MYO1B: variants seen among roughly 807,000 people sequenced by gnomAD.
The protein encoded by MYO1B is myosin IB.
A neutral mutation model predicts 159.7 loss-of-function variants in MYO1B; 72 were observed. The ratio of observed to expected loss-of-function variants is 0.45; its 90% confidence interval spans 0.37 to 0.55. The LOEUF (loss-of-function observed/expected upper bound fraction) is 0.55. Ranked by LOEUF, MYO1B falls within the 20% of genes least tolerant of loss-of-function variation. The probability of loss-of-function intolerance (pLI) is 0.00; values close to 1 mark genes in which losing one functional copy is unlikely to be tolerated. For missense variants in MYO1B, 1,062 were observed against 1,364.8 expected (o/e 0.78, Z 3.50); for synonymous variants, 468 against 473.8 (o/e 0.99, Z 0.16).
intron 1 of MYO1B, among the ~76,000 whole-genome samples, chr2:191,259,780 A>G (rs1057312875): frequency 1.3e-5 from 2 of 152,152 alleles, no homozygotes; most frequent in African/African-American, 4.8e-5. Context: ...GGAGTCTGGG[A>G]TAACTCCCTA....
chr2:191,409,288 A>T, intron 26 of MYO1B, 110 bp downstream of exon 26: 2 of 1,230,104 alleles, frequency 1.6e-6, no homozygotes, highest in East Asian at 2.4e-5. Context: ...CTCAAAGAGG[A>T]TTACTTGAGG....
chr2:191,282,189 T>C (rs941341420), intron 2 of MYO1B, among the ~76,000 whole-genome samples: 1 of 152,242 alleles, frequency 6.6e-6, no homozygotes, highest in Non-Finnish European at 1.5e-5. Flanking sequence ...GTAGTAGTTT[T>C]CTCTTGCTAC....
intron 26 of MYO1B, 45 bp downstream of exon 26, chr2:191,409,223 T>C (rs752770573): frequency 9.5e-6 from 15 of 1,576,080 alleles, no homozygotes; most frequent in Non-Finnish European, 1.3e-5. Flanking sequence ...TTCTTATTTA[T>C]TTTGAGTGTT....
In MYO1B at chr2:191,277,229, T is replaced by C. The variant is rs374948007; in HGVS notation, c.135+199T>C. On this transcript the variant is annotated intron_variant, in intron 2 of 30. Coordinates refer to ENST00000392318, the MANE Select transcript of MYO1B (RefSeq NM_001130158.3). ...GGGTTAGACAAGTCAGTCTGCTTTC[T>C]GTGATCAACTGTGTGCAAGTATTGT... Among the ~76,000 whole-genome samples, 101 of 152,310 alleles carry C rather than the reference T, an allele frequency of 6.6e-4. 3 individuals are homozygous for C. In the South Asian group the frequency reaches 0.02, roughly 30 times the overall value.
chr2:191,412,805 A>G (rs1697327606), intron 27 of MYO1B, among the ~76,000 whole-genome samples: 1 of 151,538 alleles, frequency 6.6e-6, no homozygotes, highest in Non-Finnish European at 1.5e-5. Flanking sequence ...TCTTAGTGAT[A>G]AGTGTACAGT....
At chr2:191,387,580 T>A in intron 17 of MYO1B, 130 bp downstream of exon 17, 1 of 791,786 alleles carries the variant, frequency 1.3e-6, no homozygotes, top group Non-Finnish European at 2.1e-6. Context: ...GATTAAATAA[T>A]ACCTTATCTG....
intron 13 of MYO1B, among the ~76,000 whole-genome samples, chr2:191,380,623 A>G (rs1694982947): frequency 6.6e-6 from 1 of 152,230 alleles, no homozygotes; most frequent in South Asian, 2.1e-4. Flanking sequence ...TTGTTCAGAA[A>G]TGATTTAGGC....
chr2:191,413,035 GATT>G (rs1697344823), intron 27 of MYO1B, among the ~76,000 whole-genome samples: 1 of 152,174 alleles, frequency 6.6e-6, no homozygotes, highest in Admixed American at 6.5e-5. Context: ...CATGTGATGA[GATT>G]ATTATCAAAG....
chr2:191,279,311 G>A (rs1215787500), intron 2 of MYO1B, among the ~76,000 whole-genome samples: 1 of 152,114 alleles, frequency 6.6e-6, no homozygotes, highest in East Asian at 1.9e-4. Flanking sequence ...GTAAAGTAAT[G>A]CGTATAGTAT....
At chr2:191,324,861 T>C (rs1690951824) in intron 3 of MYO1B, among the ~76,000 whole-genome samples, 1 of 152,182 alleles carries the variant, frequency 6.6e-6, no homozygotes, top group Admixed American at 6.6e-5. Context: ...TGGAAGGGCA[T>C]AACACTAACT....
At chr2:191,396,997 G>A (rs1696120433) in intron 21 of MYO1B, among the ~76,000 whole-genome samples, 1 of 152,132 alleles carries the variant, frequency 6.6e-6, no homozygotes, top group Non-Finnish European at 1.5e-5. Context: ...CCAAGGCTTG[G>A]TTCAAGGGTC....
At chr2:191,401,196 G>A (rs1308095474) in intron 23 of MYO1B, among the ~76,000 whole-genome samples, 2 of 152,048 alleles carry the variant, frequency 1.3e-5, no homozygotes, top group East Asian at 1.9e-4. Flanking sequence ...TGTTGGGAAT[G>A]TTCAAGTTTG....
In MYO1B at chr2:191,365,377, A is replaced by T. The variant is rs1406624388; in HGVS notation, c.1032+1101A>T. On this transcript the variant is annotated intron_variant, in intron 11 of 30. Coordinates refer to ENST00000392318, the MANE Select transcript of MYO1B (RefSeq NM_001130158.3). ...GAACCAGCCTTTCCTACTATAATCC[A>T]AGAATGCCTTTATGTCTTTAGCTTT... 2.0e-5 allele frequency among the ~76,000 whole-genome samples: 3 copies of T among 152,292 alleles called. No homozygotes were observed. The East Asian group carries it at 5.8e-4, about 29-fold the overall frequency.
At chr2:191,387,640 T>TA (rs1695474323) in intron 17 of MYO1B, 190 bp downstream of exon 17, 1 of 618,062 alleles carries the variant, frequency 1.6e-6, no homozygotes, top group East Asian at 2.8e-5. Flanking sequence ...AATAAGAAAG[T>TA]AAAAAAGTAA....
intron 27 of MYO1B, 142 bp from the exon 28 acceptor site, chr2:191,413,906 G>T: frequency 3.8e-6 from 3 of 779,908 alleles, no homozygotes; most frequent in Non-Finnish European, 5.8e-6. Flanking sequence ...TAGGACAGAT[G>T]TAAGTGTAAT....
intron 13 of MYO1B, among the ~76,000 whole-genome samples, chr2:191,374,707 G>A (rs1042080197): frequency 6.6e-6 from 1 of 152,084 alleles, no homozygotes; most frequent in Non-Finnish European, 1.5e-5. Context: ...AAAATAAGGT[G>A]AAGTGAATTA....
chr2:191,310,452 C>T (rs1689931560), intron 3 of MYO1B, among the ~76,000 whole-genome samples: 1 of 152,234 alleles, frequency 6.6e-6, no homozygotes. Flanking sequence ...ATCTGCCTGC[C>T]TCGGCCTCCC....
chr2:191,402,875 T>C (rs1373922238), intron 24 of MYO1B, among the ~76,000 whole-genome samples, 157 bp downstream of exon 24: 2 of 152,206 alleles, frequency 1.3e-5, no homozygotes, highest in Non-Finnish European at 2.9e-5. Context: ...AAGAAACCTA[T>C]ACACTAATTT....
Position 191,276,872 on chromosome 2 carries a change from C to T in MYO1B, c.-9-15C>T. ...TTTGCTCGTTTAAATTGACCCCTTTCCCTCTCTTCTGCAGCTGGAGACCAT... is the reference window on the plus strand; with the variant it reads ...TTTGCTCGTTTAAATTGACCCCTTTTCCTCTCTTCTGCAGCTGGAGACCAT... On this transcript the variant is annotated splice_polypyrimidine_tract_variant and intron_variant, in intron 1 of 30. Coordinates refer to ENST00000392318, the MANE Select transcript of MYO1B (RefSeq NM_001130158.3). The T allele has an allele frequency of 7.6e-6, 12 of 1,586,786 alleles. 1 individual carries two copies. Among genetic ancestry groups the T allele is most frequent in the Non-Finnish European group, 6.8e-6 (8 of 1,170,316 alleles).
Sources: gnomAD v4.1 joint callset for allele counts (sites outside exome capture counted in the v4.1 genomes callset) on GRCh38, gnomAD v4.1.1 for gene constraint, MANE v1.5 for transcripts, NCBI Gene and HGNC (gene_info 2026-07-23, HGNC 2026-07-21) for gene names.